Variants in TMEM116 observed in about 807,000 individuals in gnomAD.
TMEM116 encodes the protein transmembrane protein 116.
A neutral mutation model predicts 44.3 loss-of-function variants in TMEM116; 38 were observed. The ratio of observed to expected loss-of-function variants is 0.86; its 90% confidence interval spans 0.66 to 1.12. The LOEUF is 1.12. Among genes scored for constraint, TMEM116 ranks in the 50% most tolerant of loss-of-function variants. The pLI is 0.00. For synonymous variants in TMEM116, 132 were observed against 144.8 expected (o/e 0.91, Z 0.64); for missense variants, 354 against 401.7 (o/e 0.88, Z 1.01).
chr12:111,991,564 T>C (rs957637850), intron 4 of TMEM116, among the ~76,000 whole-genome samples, 194 bp downstream of exon 4: 2 of 151,998 alleles, frequency 1.3e-5, no homozygotes. Context: ...GATAACATTA[T>C]TTTTTTGCTT....
intron 4 of TMEM116, among the ~76,000 whole-genome samples, chr12:111,957,617 G>A (rs1245898447): frequency 6.6e-6 from 1 of 151,386 alleles, no homozygotes; most frequent in Non-Finnish European, 1.5e-5. Context: ...CGTCCGGGAG[G>A]TGGGGGGCCC....
Position 111,931,774 on chromosome 12 carries a change from C to A in TMEM116, c.861G>T (p.Thr287=), listed in dbSNP as rs370592954. ...GCTTTAGTTGGTGGAATTTGTGCTG[C>A]GTCCAGCCATATACTCCACAGTTGA... The part of the protein sequence containing the change: ...GLLNCGVYGW[T]QHKFHQLKQE... The change falls in exon 11 of 11, where the codon ACG becomes ACT. Residue 287 remains threonine (T), a synonymous_variant. Transcript: ENST00000552374. The A allele has an allele frequency of 1.3e-6, 2 of 1,597,804 alleles. No homozygotes were observed.
At chr12:111,969,307 C>T (rs1411571774) in intron 4 of TMEM116, among the ~76,000 whole-genome samples, 5 of 135,646 alleles carry the variant, frequency 3.7e-5, no homozygotes, top group Non-Finnish European at 6.1e-5. Flanking sequence ...GCAACAAGAG[C>T]GACGCTCCAT....
At chr12:111,959,958 A>G (rs1279653720) in intron 4 of TMEM116, among the ~76,000 whole-genome samples, 1 of 152,216 alleles carries the variant, frequency 6.6e-6, no homozygotes. Flanking sequence ...GAAAATTAAC[A>G]AGGATATTCA....
chr12:111,954,296 G>C (rs1407625822), intron 4 of TMEM116, among the ~76,000 whole-genome samples: 1 of 152,112 alleles, frequency 6.6e-6, no homozygotes, highest in African/African-American at 2.4e-5. Context: ...GGGAGAATAT[G>C]TTTTCTATTG....
intron 4 of TMEM116, among the ~76,000 whole-genome samples, chr12:111,976,164 A>G (rs2075660329): frequency 6.6e-6 from 1 of 151,866 alleles, no homozygotes; most frequent in South Asian, 2.1e-4. Flanking sequence ...GCACACCACA[A>G]TGCCCAGCTA....
At chr12:111,956,215 C>A (rs2074076245) in intron 4 of TMEM116, among the ~76,000 whole-genome samples, 1 of 152,098 alleles carries the variant, frequency 6.6e-6, no homozygotes, top group South Asian at 2.1e-4. Flanking sequence ...GTGAATCAAA[C>A]AGGAACTCAA....
chr12:112,007,441 C>G (rs780369780), intron 1 of TMEM116, among the ~76,000 whole-genome samples: 3 of 151,948 alleles, frequency 2.0e-5, no homozygotes, highest in Admixed American at 2.0e-4. Context: ...AAAAATAAAA[C>G]AAAACAGAAA....
At chr12:111,996,521 C>T (rs1196763247) in intron 3 of TMEM116, among the ~76,000 whole-genome samples, 1 of 152,078 alleles carries the variant, frequency 6.6e-6, no homozygotes, top group Non-Finnish European at 1.5e-5. Context: ...AATTTTAAGT[C>T]TGATAACAGC....
intron 4 of TMEM116, among the ~76,000 whole-genome samples, chr12:111,965,189 T>C (rs1023153131): frequency 4.6e-5 from 7 of 151,200 alleles, no homozygotes; most frequent in African/African-American, 1.5e-4. Flanking sequence ...CCTACCCCCA[T>C]TTTTTTTTCC....
At chr12:111,940,506 T>TGTGTATATATATATATATAC (rs2072661515) in intron 5 of TMEM116, among the ~76,000 whole-genome samples, 1 of 109,844 alleles carries the variant, frequency 9.1e-6, no homozygotes, top group South Asian at 2.8e-4. Flanking sequence ...CACATATATA[T>TGTGTATATATATATATATAC]ACACACATAT....
intron 2 of TMEM116, 66 bp downstream of exon 2, chr12:112,005,190 TG>T: frequency 9.0e-7 from 1 of 1,116,866 alleles, no homozygotes; most frequent in Non-Finnish European, 1.2e-6. Flanking sequence ...GGGGGAAATG[TG>T]GAAAACTACA....
chr12:111,953,032 C>T (rs1370208593), intron 4 of TMEM116, among the ~76,000 whole-genome samples: 2 of 152,144 alleles, frequency 1.3e-5, no homozygotes, highest in Non-Finnish European at 2.9e-5. Flanking sequence ...ATGAACTTTA[C>T]TTTGTATTTT....
At chr12:111,957,482 G>A (rs537522933) in intron 4 of TMEM116, among the ~76,000 whole-genome samples, 13 of 150,928 alleles carry the variant, frequency 8.6e-5, no homozygotes, top group African/African-American at 2.2e-4. Context: ...CAGCCGCCCC[G>A]TCCAGGAGGT....
chr12:111,991,742 G>A lies in TMEM116; in HGVS notation c.210+16C>T. ...GCCTTTCTTGCAAGGTGCAGTGACAGTCTTGTAGCACTCACCTGTCCAACT... is the reference window on the plus strand; with the variant it reads ...GCCTTTCTTGCAAGGTGCAGTGACAATCTTGTAGCACTCACCTGTCCAACT... On this transcript the variant is annotated intron_variant, in intron 4 of 10. Transcript: ENST00000552374. The A allele has an allele frequency of 6.5e-7, 1 of 1,533,408 alleles. No homozygotes were observed. The highest frequency in any genetic ancestry group is 8.7e-7 in the Non-Finnish European group (1 of 1,145,290). The allele number at this position is 1,533,408 out of a possible 1,614,324, so 95.0% of individuals were successfully genotyped here. A position where few individuals can be genotyped will look rare whatever the true frequency, so the allele number is the denominator to read the frequency against.
intron 3 of TMEM116, among the ~76,000 whole-genome samples, chr12:111,999,862 G>T (rs1208613243): frequency 6.6e-6 from 1 of 152,144 alleles, no homozygotes; most frequent in Non-Finnish European, 1.5e-5. Context: ...AAATGGAACT[G>T]TAAAGATTTT....
chr12:111,937,210 GAATACAGGTGTCATC>G lies in TMEM116; in HGVS notation c.384_398del (p.Leu128_Val132del), dbSNP rs1404281912. On this transcript the variant is annotated inframe_deletion, in exon 7 of 11. Coordinates refer to ENST00000552374, the MANE Select transcript of TMEM116 (RefSeq NM_001193531.2). The stretch of plus-strand genomic sequence containing the variant: ...AACATTCACTAGTATTTCCCAGACA[GAATACAGGTGTCATC>G]AATAGCAGAGGTATCAGGCTGGGAG... The G allele has an allele frequency of 6.2e-7, 1 of 1,613,754 alleles. No individual in the cohort carries two copies. Among genetic ancestry groups the G allele is most frequent in the African/African-American group, 1.3e-5 (1 of 74,894 alleles).
chr12:112,009,955 G>A (rs1260318969), intron 1 of TMEM116, among the ~76,000 whole-genome samples: 1 of 152,114 alleles, frequency 6.6e-6, no homozygotes, highest in African/African-American at 2.4e-5. Context: ...ACTGAGAAGT[G>A]AATAATTTTA....
At chr12:111,936,658 T>C in intron 8 of TMEM116, 34 bp downstream of exon 8, 4 of 1,601,828 alleles carry the variant, frequency 2.5e-6, no homozygotes, top group Non-Finnish European at 3.4e-6. Flanking sequence ...CATTTCCTCA[T>C]CTCTCCACAA....
Sources: gnomAD v4.1 joint callset for allele counts (sites outside exome capture counted in the v4.1 genomes callset) on GRCh38, gnomAD v4.1.1 for gene constraint, MANE v1.5 for transcripts, NCBI Gene and HGNC (gene_info 2026-07-23, HGNC 2026-07-21) for gene names.